The following ADAMTS19 variants were observed in gnomAD, a reference collection of about 807,000 sequenced individuals.
The protein encoded by ADAMTS19 is A disintegrin and metalloproteinase with thrombospondin motifs 19.
A neutral mutation model predicts 153.3 loss-of-function variants in ADAMTS19; 93 were observed. That is an observed-to-expected ratio of 0.61 (90% confidence interval 0.51 to 0.72). The LOEUF is 0.72. Among genes scored for constraint, ADAMTS19 ranks in the 30% least tolerant of loss-of-function variants. The pLI, the probability that ADAMTS19 is intolerant of heterozygous loss-of-function variation, is 0.00. For synonymous variants in ADAMTS19, 600 were observed against 556.6 expected, an observed-to-expected ratio of 1.08 and a Z score of -1.10; for missense variants, 1,482 against 1,552.1, an observed-to-expected ratio of 0.95 and a Z score of 0.76.
intron 11 of ADAMTS19, among the ~76,000 whole-genome samples, chr5:129,642,920 C>G (rs1347012741): frequency 6.6e-6 from 1 of 152,078 alleles, no homozygotes; most frequent in African/African-American, 2.4e-5. Flanking sequence ...CATGCACACA[C>G]AGATGCTTAG....
At chr5:129,501,479 C>G (rs1751105447) in intron 2 of ADAMTS19, among the ~76,000 whole-genome samples, 1 of 152,134 alleles carries the variant, frequency 6.6e-6, no homozygotes, top group Non-Finnish European at 1.5e-5. Flanking sequence ...TAGCTACCAT[C>G]TGTGAGGTGT....
chr5:129,612,142 G>C (rs1340796914), intron 8 of ADAMTS19, among the ~76,000 whole-genome samples: 1 of 117,512 alleles, frequency 8.5e-6, no homozygotes, highest in Non-Finnish European at 1.7e-5. Flanking sequence ...CCCCATAACA[G>C]TCCCTGGTGT....
At chr5:129,527,202 T>G (rs1019639581) in intron 4 of ADAMTS19, among the ~76,000 whole-genome samples, 9 of 151,860 alleles carry the variant, frequency 5.9e-5, no homozygotes, top group African/African-American at 2.2e-4. Flanking sequence ...CAAGGAAGAA[T>G]CAGAAGGTTG....
chr5:129,605,889 G>A (rs1750869818), intron 8 of ADAMTS19, among the ~76,000 whole-genome samples: 1 of 152,086 alleles, frequency 6.6e-6, no homozygotes, highest in African/African-American at 2.4e-5. Context: ...ATATGAGTTA[G>A]GGGAAATTAC....
intron 16 of ADAMTS19, among the ~76,000 whole-genome samples, chr5:129,672,530 C>T (rs552319437): frequency 3.8e-4 from 58 of 152,238 alleles, no homozygotes; most frequent in African/African-American, 1.4e-3. Context: ...AAAGTGGGAG[C>T]TCTAGTAGGA....
chr5:129,619,107 G>A (rs1751662959), intron 8 of ADAMTS19, among the ~76,000 whole-genome samples: 1 of 152,018 alleles, frequency 6.6e-6, no homozygotes, highest in Non-Finnish European at 1.5e-5. Flanking sequence ...GAAGTAAACT[G>A]CATTAATGTT....
chr5:129,477,422 G>T (rs1257294140), intron 2 of ADAMTS19, among the ~76,000 whole-genome samples: 1 of 152,136 alleles, frequency 6.6e-6, no homozygotes, highest in South Asian at 2.1e-4. Context: ...TACAACCTTC[G>T]TATGAGGGAG....
intron 7 of ADAMTS19, among the ~76,000 whole-genome samples, chr5:129,567,357 G>A (rs1753753151): frequency 6.6e-6 from 1 of 152,028 alleles, no homozygotes; most frequent in South Asian, 2.1e-4. Context: ...ATTTGCATGG[G>A]AAAAGACACC....
At chr5:129,498,523 G>T (rs1053457542) in intron 2 of ADAMTS19, among the ~76,000 whole-genome samples, 5 of 151,638 alleles carry the variant, frequency 3.3e-5, no homozygotes, top group Non-Finnish European at 5.9e-5. Flanking sequence ...AATATGTTTT[G>T]CTGTGACATA....
In ADAMTS19 at chr5:129,684,414, T is replaced by A. The variant is rs188424111; in HGVS notation, c.2818+141T>A. The stretch of plus-strand genomic sequence containing the variant: ...TAGAAATGGAAAGTTTTATATGATA[T>A]GTTTAGTGGCTAAACACCTGAAATA... On this transcript the variant is annotated intron_variant, in intron 18 of 22. Coordinates refer to ENST00000274487, the MANE Select transcript of ADAMTS19 (RefSeq NM_133638.6). 1.9e-5 allele frequency: 21 copies of A among 1,091,458 alleles called. No individual in the cohort carries two copies. In the East Asian group the frequency reaches 3.4e-4, roughly 18 times the overall value. The allele number at this position is 1,091,458 out of a possible 1,614,324, so 67.6% of individuals were successfully genotyped here.
chr5:129,605,024 A>G (rs1205053024), intron 8 of ADAMTS19, among the ~76,000 whole-genome samples: 1 of 152,148 alleles, frequency 6.6e-6, no homozygotes, highest in Non-Finnish European at 1.5e-5. Context: ...TCCACCTTCA[A>G]AATACATCCA....
chr5:129,643,350 A>G (rs1297118810), intron 11 of ADAMTS19, among the ~76,000 whole-genome samples: 1 of 146,106 alleles, frequency 6.8e-6, no homozygotes, highest in East Asian at 2.0e-4. Context: ...CGACAGAGCC[A>G]GACCTTGTTT....
intron 21 of ADAMTS19, among the ~76,000 whole-genome samples, chr5:129,714,577 A>C (rs1361040122): frequency 6.6e-6 from 1 of 152,128 alleles, no homozygotes; most frequent in Non-Finnish European, 1.5e-5. Context: ...AAGTGGAGTG[A>C]GGGATATCAG....
chr5:129,522,299 GTA>G (rs1182437821), intron 3 of ADAMTS19, among the ~76,000 whole-genome samples: 5,321 of 97,452 alleles, frequency 0.055, 185 homozygotes, highest in South Asian at 0.096. Context: ...GTGTGTGTGT[GTA>G]TATATATATA....
At chr5:129,703,743 A>C (rs909553452) in intron 20 of ADAMTS19, among the ~76,000 whole-genome samples, 3 of 152,132 alleles carry the variant, frequency 2.0e-5, no homozygotes, top group Admixed American at 6.6e-5. Context: ...AAGAAAAAAA[A>C]ATCTGAATTT....
At chr5:129,487,533 C>G (rs974180256) in intron 2 of ADAMTS19, among the ~76,000 whole-genome samples, 3 of 152,074 alleles carry the variant, frequency 2.0e-5, no homozygotes, top group African/African-American at 7.2e-5. Flanking sequence ...TGGCTTACCA[C>G]TTTGTATAAT....
At chr5:129,556,646 G>A (rs1452575697) in intron 7 of ADAMTS19, among the ~76,000 whole-genome samples, 3 of 152,290 alleles carry the variant, frequency 2.0e-5, no homozygotes, top group Non-Finnish European at 4.4e-5. Context: ...TGTCACAAGA[G>A]TTCTTAAAAG....
At chr5:129,632,380 T>C (rs1752341426) in intron 10 of ADAMTS19, among the ~76,000 whole-genome samples, 2 of 152,152 alleles carry the variant, frequency 1.3e-5, no homozygotes, top group South Asian at 4.1e-4. Context: ...TAATATAGCA[T>C]CTGTGTACAT....
intron 8 of ADAMTS19, among the ~76,000 whole-genome samples, chr5:129,597,615 T>C (rs1261977595): frequency 6.6e-6 from 1 of 151,996 alleles, no homozygotes; most frequent in Non-Finnish European, 1.5e-5. Flanking sequence ...TTTATTAAAG[T>C]AGAAATGGAG....
Sources: gnomAD v4.1 joint callset for allele counts (sites outside exome capture counted in the v4.1 genomes callset) on GRCh38, gnomAD v4.1.1 for gene constraint, MANE v1.5 for transcripts, NCBI Gene and HGNC (gene_info 2026-07-23, HGNC 2026-07-21) for gene names.